IFT88: variants seen among roughly 807,000 people sequenced by gnomAD.
IFT88 encodes the protein intraflagellar transport 88, also known as intraflagellar transport protein 88 homolog.
Under a neutral mutation model 119.5 loss-of-function variants are expected in IFT88, and 74 were observed. The ratio of observed to expected loss-of-function variants is 0.62; its 90% CI spans 0.51 to 0.75. The LOEUF (loss-of-function observed/expected upper bound fraction) is 0.75. Among genes scored for constraint, IFT88 ranks in the 30% least tolerant of loss-of-function variants. IFT88 has a pLI of 0.00. For missense variants in IFT88, 961 were observed against 977.7 expected (o/e 0.98, Z 0.23); for synonymous variants, 279 against 316.7 (o/e 0.88, Z 1.26).
At chr13:20,635,340 A>G (rs1490392741) in intron 16 of IFT88, among the ~76,000 whole-genome samples, 1 of 152,220 alleles carries the variant, frequency 6.6e-6, no homozygotes, top group Non-Finnish European at 1.5e-5. Flanking sequence ...CTGTCCCATC[A>G]TACATGCAAC....
intron 24 of IFT88, among the ~76,000 whole-genome samples, chr13:20,685,922 GGAA>G (rs1355898068): frequency 6.6e-6 from 1 of 152,174 alleles, no homozygotes; most frequent in Non-Finnish European, 1.5e-5. Flanking sequence ...ACCTTTGATA[GGAA>G]CTTACTTTAA....
intron 23 of IFT88, among the ~76,000 whole-genome samples, chr13:20,666,506 C>T (rs1030910196): frequency 1.3e-5 from 2 of 152,174 alleles, no homozygotes; most frequent in South Asian, 4.1e-4. Context: ...AATGGTTCTT[C>T]CAGTCCCCGG....
chr13:20,680,359 T>C (rs963677169), intron 24 of IFT88, among the ~76,000 whole-genome samples: 4 of 152,248 alleles, frequency 2.6e-5, no homozygotes, highest in African/African-American at 7.2e-5. Flanking sequence ...CTCTATCATC[T>C]ATAGAACTAG....
At chr13:20,653,400 T>C (rs2052137146) in intron 20 of IFT88, among the ~76,000 whole-genome samples, 1 of 152,240 alleles carries the variant, frequency 6.6e-6, no homozygotes, top group Non-Finnish European at 1.5e-5. Flanking sequence ...TGGTTATTTA[T>C]TTTAGAAAAG....
intron 2 of IFT88, among the ~76,000 whole-genome samples, chr13:20,578,010 A>G (rs1210476608): frequency 1.6e-5 from 1 of 61,874 alleles, no homozygotes; most frequent in South Asian, 6.4e-4. Flanking sequence ...GAGACTTTTT[A>G]TTGTGGCTTC....
At chr13:20,647,558 C>A (rs942812733) in intron 20 of IFT88, among the ~76,000 whole-genome samples, 1 of 152,142 alleles carries the variant, frequency 6.6e-6, no homozygotes, top group Non-Finnish European at 1.5e-5. Context: ...TAAGCATAAA[C>A]TGTTGTTTTA....
chr13:20,683,619 T>C (rs2057564103), intron 24 of IFT88, among the ~76,000 whole-genome samples: 1 of 152,192 alleles, frequency 6.6e-6, no homozygotes. Context: ...GCCATGCGGA[T>C]GGCCAGTGCT....
At chr13:20,598,021 T>C (rs1032172871) in intron 9 of IFT88, among the ~76,000 whole-genome samples, 3 of 152,034 alleles carry the variant, frequency 2.0e-5, no homozygotes, top group African/African-American at 7.2e-5. Flanking sequence ...CTCCATAATG[T>C]TTGCACTTCT....
chr13:20,622,750 G>A (rs80143121), intron 14 of IFT88, among the ~76,000 whole-genome samples: 1 of 151,842 alleles, frequency 6.6e-6, no homozygotes, highest in Non-Finnish European at 1.5e-5. Context: ...TGCATGATTT[G>A]CAAATATTTT....
At chr13:20,659,547 T>G (rs1264784220) in intron 22 of IFT88, among the ~76,000 whole-genome samples, 1 of 152,172 alleles carries the variant, frequency 6.6e-6, no homozygotes, top group African/African-American at 2.4e-5. Flanking sequence ...ACCTTCTTAT[T>G]CTGAATTATT....
At chr13:20,648,474 C>T (rs1258408919) in intron 20 of IFT88, among the ~76,000 whole-genome samples, 1 of 151,866 alleles carries the variant, frequency 6.6e-6, no homozygotes, top group East Asian at 1.9e-4. Context: ...AATTATAATA[C>T]CCAAGGTAAT....
At chr13:20,677,741 ATCT>A (rs1211772813) in intron 24 of IFT88, among the ~76,000 whole-genome samples, 2 of 152,228 alleles carry the variant, frequency 1.3e-5, no homozygotes, top group African/African-American at 4.8e-5. Context: ...ATTGAATATC[ATCT>A]TCTTAAAAAT....
rs1491477693 is a variant in IFT88, at chr13:20,655,488, C to CATT, written c.2003-877_2003-876insATT. ...ACCACACATTTATTTATTTATTTAT[C>CATT]CATTCATTCATTCATTCATTTTGAG... On this transcript the variant is annotated intron_variant, in intron 21 of 25. Coordinates refer to ENST00000351808, the MANE Select transcript of IFT88 (RefSeq NM_006531.5). 7.9e-3 allele frequency among the ~76,000 whole-genome samples: 1,193 copies of CATT among 150,776 alleles called. 15 individuals are homozygous for CATT. The highest frequency in any genetic ancestry group is 0.012 in the Non-Finnish European group (836 of 67,888).
intron 14 of IFT88, among the ~76,000 whole-genome samples, chr13:20,621,740 C>T (rs1399005398): frequency 6.6e-6 from 1 of 152,086 alleles, no homozygotes; most frequent in East Asian, 1.9e-4. Flanking sequence ...CCAATATTCA[C>T]ATAGTATTAC....
At chr13:20,605,464 G>A (rs552881254) in intron 13 of IFT88, among the ~76,000 whole-genome samples, 47 of 152,008 alleles carry the variant, frequency 3.1e-4, no homozygotes, top group Non-Finnish European at 6.0e-4. Context: ...ACGTCTTTAT[G>A]TTTTTTTATC....
chr13:20,597,696 ATC>A lies in IFT88; in HGVS notation c.594+579_594+580del, dbSNP rs1165350864. Among the ~76,000 whole-genome samples, 5 of 151,550 alleles carry A rather than the reference ATC, an allele frequency of 3.3e-5. No homozygotes were observed. The South Asian group carries it at 1.0e-3, about 32-fold the overall frequency. ...GAGGCGGAGCTTGCGGCGAGCCAAG[ATC>A]TTGCCACCACACTCCAGAGCCTGGG... On this transcript the variant is annotated intron_variant, in intron 9 of 25. Coordinates refer to ENST00000351808, the MANE Select transcript of IFT88 (RefSeq NM_006531.5).
chr13:20,613,710 T>C (rs564930323), intron 13 of IFT88, among the ~76,000 whole-genome samples: 1 of 152,166 alleles, frequency 6.6e-6, no homozygotes, highest in South Asian at 2.1e-4. Flanking sequence ...ATAAATAATA[T>C]ATGGTCTATC....
chr13:20,621,526 T>TTAAAAAAAAAAAAAAAAAAA (rs1476682272), intron 14 of IFT88, among the ~76,000 whole-genome samples: 1 of 130,746 alleles, frequency 7.6e-6, no homozygotes, highest in Admixed American at 7.4e-5. Flanking sequence ...CCTGCTGAGA[T>TTAAAAAAAAAAAAAAAAAAA]AAAAAAAAAA....
chr13:20,569,997 C>A (rs2035967764), intron 1 of IFT88, among the ~76,000 whole-genome samples: 1 of 151,186 alleles, frequency 6.6e-6, no homozygotes, highest in South Asian at 2.1e-4. Flanking sequence ...GTGAGCCGCG[C>A]CACTGCCCTC....
Sources: gnomAD v4.1 joint callset for allele counts (sites outside exome capture counted in the v4.1 genomes callset) on GRCh38, gnomAD v4.1.1 for gene constraint, MANE v1.5 for transcripts, NCBI Gene and HGNC (gene_info 2026-07-23, HGNC 2026-07-21) for gene names.